ITPR1: variants seen among roughly 807,000 people sequenced by gnomAD.
ITPR1 encodes inositol 1,4,5-trisphosphate receptor type 1.
A neutral mutation model predicts 318.4 loss-of-function variants in ITPR1; 96 were observed. That is an observed-to-expected ratio of 0.30 (90% CI 0.26 to 0.36). The LOEUF (loss-of-function observed/expected upper bound fraction) is 0.36. Among genes scored for constraint, ITPR1 ranks in the 10% least tolerant of loss-of-function variants. The pLI, the probability that ITPR1 is intolerant of heterozygous loss-of-function variation, is 1.00. For missense variants in ITPR1, 2,440 were observed against 3,460.2 expected (o/e 0.71, Z 7.40); for synonymous variants, 1,312 against 1,289.9 (o/e 1.02, Z -0.37).
At chr3:4,544,957 C>T (rs1405135619) in intron 4 of ITPR1, among the ~76,000 whole-genome samples, 1 of 151,972 alleles carries the variant, frequency 6.6e-6, no homozygotes, top group Non-Finnish European at 1.5e-5. Flanking sequence ...CCATGCCTGG[C>T]TAATTTTGTT....
intron 2 of ITPR1, among the ~76,000 whole-genome samples, chr3:4,514,872 A>T (rs532153260): frequency 8.1e-4 from 123 of 152,340 alleles, no homozygotes; most frequent in African/African-American, 2.9e-3. Context: ...TGTTTAAAAC[A>T]TTGGTTTGCC....
chr3:4,504,675 A>G (rs1336566176), intron 2 of ITPR1, among the ~76,000 whole-genome samples: 5 of 152,190 alleles, frequency 3.3e-5, no homozygotes, highest in Non-Finnish European at 7.3e-5. Context: ...TTCACAATAA[A>G]GATGATATCG....
chr3:4,845,594 A>C (rs1450808101), intron 61 of ITPR1, among the ~76,000 whole-genome samples: 1 of 152,208 alleles, frequency 6.6e-6, no homozygotes, highest in Non-Finnish European at 1.5e-5. Flanking sequence ...ACAGCATTTA[A>C]TCATTCTGGA....
At chr3:4,730,240 AC>A (rs2042814474) in intron 42 of ITPR1, among the ~76,000 whole-genome samples, 11 of 148,886 alleles carry the variant, frequency 7.4e-5, no homozygotes, top group Admixed American at 7.4e-4. Flanking sequence ...ACAAAAAAAA[AC>A]CTTGCTCTCT....
At chr3:4,807,772 T>C (rs552500892) in intron 55 of ITPR1, among the ~76,000 whole-genome samples, 1 of 152,346 alleles carries the variant, frequency 6.6e-6, no homozygotes, top group East Asian at 1.9e-4. Context: ...TTATGTCGCC[T>C]ATTTTGGTCA....
intron 4 of ITPR1, among the ~76,000 whole-genome samples, chr3:4,582,278 C>T (rs943612705): frequency 2.6e-5 from 4 of 152,194 alleles, no homozygotes; most frequent in South Asian, 4.1e-4. Context: ...TCGAACATGC[C>T]AAAGAAACCG....
chr3:4,706,434 A>G, intron 37 of ITPR1, 83 bp downstream of exon 37: 1 of 1,257,758 alleles, frequency 8.0e-7, no homozygotes, highest in South Asian at 1.5e-5. Context: ...TGAGCCACAG[A>G]GCATCTAAGC....
intron 58 of ITPR1, 70 bp downstream of exon 58, chr3:4,814,632 C>T (rs991435656): frequency 3.6e-6 from 5 of 1,382,228 alleles, no homozygotes; most frequent in African/African-American, 2.8e-5. Flanking sequence ...CACCATGCAG[C>T]GGTGTTGAGT....
chr3:4,773,694 A>C (rs1338232997), intron 46 of ITPR1, among the ~76,000 whole-genome samples: 1 of 152,192 alleles, frequency 6.6e-6, no homozygotes, highest in Non-Finnish European at 1.5e-5. Flanking sequence ...AGCAGGGCTG[A>C]GCCAACCCCT....
chr3:4,541,400 T>A (rs1483945103), intron 4 of ITPR1, among the ~76,000 whole-genome samples: 1 of 152,194 alleles, frequency 6.6e-6, no homozygotes, highest in East Asian at 1.9e-4. Context: ...TCAGCATCAT[T>A]ATTTTTTTGC....
At chr3:4,727,021 C>T (rs980976188) in intron 41 of ITPR1, 105 bp from the exon 42 acceptor site, 7 of 926,514 alleles carry the variant, frequency 7.6e-6, no homozygotes, top group Non-Finnish European at 1.0e-5. Context: ...TTGTGTAACT[C>T]TTGTCTATAT....
At chr3:4,500,116 C>T (rs1474148507) in intron 2 of ITPR1, among the ~76,000 whole-genome samples, 1 of 152,234 alleles carries the variant, frequency 6.6e-6, no homozygotes, top group Admixed American at 6.5e-5. Flanking sequence ...CAAGATGTTC[C>T]AGGCTCATCT....
chr3:4,836,886 T>C lies in ITPR1; in HGVS notation c.8141T>C (p.Met2714Thr). 6.3e-7 allele frequency: 1 copy of C among 1,598,236 alleles called. No homozygotes were observed. Among genetic ancestry groups the C allele is most frequent in the African/African-American group, 1.3e-5 (1 of 74,794 alleles). The change falls in exon 61 of 62, where the codon ATG (methionine) becomes ACG (threonine). Residue 2714 changes from methionine (M) to threonine (T), a missense_variant. Coordinates refer to ENST00000649015, the MANE Select transcript of ITPR1 (RefSeq NM_001378452.1). ...CTGCAGGAGAAGCTGGAGTCCACCA[T>C]GAAACTTGTCACGAACCTTTCTGGC... Reference protein sequence around the residue: ...RNLQEKLESTMKLVTNLSGQL... With the variant: ...RNLQEKLESTTKLVTNLSGQL...
At chr3:4,815,250 G>A (rs375473626) in intron 59 of ITPR1, 32 bp downstream of exon 59, 33 of 1,609,662 alleles carry the variant, frequency 2.1e-5, no homozygotes, top group Admixed American at 3.4e-5. Flanking sequence ...CAGCAAGGGC[G>A]TGAAGGCCCA....
chr3:4,509,123 G>A (rs1008309865), intron 2 of ITPR1, among the ~76,000 whole-genome samples: 5 of 152,128 alleles, frequency 3.3e-5, no homozygotes, highest in African/African-American at 1.2e-4. Context: ...GGATTATTTG[G>A]TTTACTCCTC....
intron 4 of ITPR1, among the ~76,000 whole-genome samples, chr3:4,537,629 G>A (rs2083998658): frequency 6.6e-6 from 1 of 152,174 alleles, no homozygotes; most frequent in Non-Finnish European, 1.5e-5. Flanking sequence ...GAAGCAGGAG[G>A]ATTCGAGTTA....
chr3:4,637,260 A>T (rs2093218738), intron 5 of ITPR1, among the ~76,000 whole-genome samples: 1 of 152,236 alleles, frequency 6.6e-6, no homozygotes. Flanking sequence ...TTAGCTGAGA[A>T]CTCTTAAGCA....
At position 4,627,388 on chromosome 3, in the gene ITPR1, C is replaced by T. The variant is rs180910916; in HGVS notation, c.164-375C>T. ...CTGAAGCAGGAGAGTCACTGGAACC[C>T]AGGAGGCGGAGGTCGCAGTGAGCCG... On this transcript the variant is annotated intron_variant, in intron 4 of 61. Transcript: ENST00000649015. 1.7e-3 allele frequency among the ~76,000 whole-genome samples: 260 copies of T among 152,196 alleles called. 1 individual carries two copies. The highest frequency in any genetic ancestry group is 6.0e-3 in the African/African-American group (251 of 41,528).
At chr3:4,672,691 T>C (rs964507880) in intron 20 of ITPR1, among the ~76,000 whole-genome samples, 6 of 152,232 alleles carry the variant, frequency 3.9e-5, no homozygotes, top group Non-Finnish European at 5.9e-5. Context: ...TATAAGATCT[T>C]TAAAATGTTA....
Sources: gnomAD v4.1 joint callset for allele counts (sites outside exome capture counted in the v4.1 genomes callset) on GRCh38, gnomAD v4.1.1 for gene constraint, MANE v1.5 for transcripts, NCBI Gene and HGNC (gene_info 2026-07-23, HGNC 2026-07-21) for gene names.